Variants in ARFGAP2 observed in about 807,000 individuals in gnomAD.
The protein encoded by ARFGAP2 is ARF GTPase activating protein 2, also known as ADP-ribosylation factor GTPase-activating protein 2.
Under a neutral mutation model 71.9 loss-of-function variants are expected in ARFGAP2, and 45 were observed. That is an observed-to-expected ratio of 0.63 (90% confidence interval 0.49 to 0.80). ARFGAP2 has a LOEUF of 0.80. Among genes scored for constraint, ARFGAP2 ranks in the 30% least tolerant of loss-of-function variants. The pLI is 0.00. For synonymous variants in ARFGAP2, 248 were observed against 249.2 expected (o/e 1.00, Z 0.05); for missense variants, 633 against 673.9 (o/e 0.94, Z 0.67).
In ARFGAP2 at chr11:47,164,779, C is replaced by G. The variant is rs756719574; in HGVS notation, c.*703G>C. Reference sequence around the variant, plus strand: ...GTCCTGCATTCCACAGCAGATGGTACAGAGGGACCCTGAGACACCCTGAAA... The same window carrying G: ...GTCCTGCATTCCACAGCAGATGGTAGAGAGGGACCCTGAGACACCCTGAAA... On this transcript the variant is annotated 3_prime_UTR_variant, in exon 16 of 16. Transcript: ENST00000524782. The G allele has an allele frequency of 1.4e-4, 21 of 153,052 alleles. No homozygotes were observed. The highest frequency in any genetic ancestry group is 2.6e-4 in the Admixed American group (4 of 15,340). The allele number at this position is 153,052 out of a possible 1,614,324, so 9.5% of individuals were successfully genotyped here.
chr11:47,172,080 C>G, intron 8 of ARFGAP2: 1 of 720,898 alleles, frequency 1.4e-6, no homozygotes, highest in Non-Finnish European at 2.4e-6. Flanking sequence ...TGTGCTCCAT[C>G]TCACCGACTC....
Position 47,176,520 on chromosome 11 carries a change from T to C in ARFGAP2, c.187A>G (p.Ile63Val). 2 of 1,613,358 alleles carry C rather than the reference T, an allele frequency of 1.2e-6. No homozygotes were observed. The highest frequency in any genetic ancestry group is 1.3e-5 in the African/African-American group (1 of 75,040). ...HRSLGVHLSF[I>V]RSTELDSNWN... ...GCAACCGCGCGGAGAGCCTACCTGA[T>C]GAAGCTCAGATGGACGCCCAGGGAG... The change falls in exon 2 of 16, where the codon ATC (isoleucine) becomes GTC (valine). Residue 63 changes from isoleucine (I) to valine (V), a missense_variant. Coordinates refer to ENST00000524782, the MANE Select transcript of ARFGAP2 (RefSeq NM_032389.6).
In ARFGAP2 at chr11:47,171,560, TA is replaced by T; in HGVS notation, c.810-4del. ...AGGCCAGACGCATGGAGGCGACCCT[TA>T]GGGGGAACAAAGGTGTCAGTGGCCA... On this transcript the variant is annotated splice_polypyrimidine_tract_variant and splice_region_variant and intron_variant, in intron 9 of 15. Transcript: ENST00000524782. 2.5e-6 allele frequency: 4 copies of T among 1,614,120 alleles called. No individual in the cohort carries two copies. The South Asian group carries it at 4.4e-5, about 18-fold the overall frequency.
intron 12 of ARFGAP2, 114 bp downstream of exon 12, chr11:47,167,795 G>A: frequency 7.6e-7 from 1 of 1,319,168 alleles, no homozygotes; most frequent in Non-Finnish European, 1.0e-6. Context: ...ACAACACAGA[G>A]AACATTCCCA....
chr11:47,175,104 AAGG>A lies in ARFGAP2; in HGVS notation c.397-9_397-7del. ...CTCATGTTGTCTATCCAAAGCTAGA[AAGG>A]AGAAGACACCCCTAAAACACAGGGC... On this transcript the variant is annotated splice_polypyrimidine_tract_variant and splice_region_variant and intron_variant, in intron 4 of 15. Transcript: ENST00000524782. 6.2e-7 allele frequency: 1 copy of A among 1,614,142 alleles called. No individual in the cohort carries two copies. The highest frequency in any genetic ancestry group is 8.5e-7 in the Non-Finnish European group (1 of 1,180,032).
chr11:47,166,332 T>G lies in ARFGAP2; in HGVS notation c.1481A>C (p.Gln494Pro). 6.8e-6 allele frequency: 11 copies of G among 1,614,208 alleles called. No homozygotes were observed. Among genetic ancestry groups the G allele is most frequent in the Non-Finnish European group, 8.5e-6 (10 of 1,180,044 alleles). The change falls in exon 15 of 16, where the codon CAG becomes CCG. Residue 494 changes from glutamine to proline, a missense_variant. Transcript: ENST00000524782. ...TTTCCCAGCCACAGACTTGACACCC[T>G]GCTTAAACTGGGCAATGTCCGCTGT... ...LPTADIAQFK[Q>P]GVKSVAGKMA...
At chr11:47,175,517 G>A (rs944626781) in intron 3 of ARFGAP2, 3 of 779,902 alleles carry the variant, frequency 3.8e-6, no homozygotes, top group African/African-American at 1.7e-5. Context: ...TGATATGACT[G>A]AAGTCCAGGC....
chr11:47,173,690 T>G, intron 6 of ARFGAP2, 69 bp downstream of exon 6: 1 of 1,525,206 alleles, frequency 6.6e-7, no homozygotes, highest in South Asian at 1.2e-5. Flanking sequence ...CATGGCCAGA[T>G]GTCCCCTTCC....
chr11:47,173,686 C>T, intron 6 of ARFGAP2, 73 bp downstream of exon 6: 1 of 1,522,180 alleles, frequency 6.6e-7, no homozygotes, highest in East Asian at 2.5e-5. Flanking sequence ...TTGTCATGGC[C>T]AGATGTCCCC....
chr11:47,169,905 T>C (rs1038859846), intron 10 of ARFGAP2, among the ~76,000 whole-genome samples: 5 of 152,208 alleles, frequency 3.3e-5, no homozygotes, highest in African/African-American at 1.2e-4. Flanking sequence ...CCTTAACCCC[T>C]TGGTCATCCC....
chr11:47,176,169 T>C, intron 2 of ARFGAP2: 1 of 594,142 alleles, frequency 1.7e-6, no homozygotes, highest in Non-Finnish European at 3.0e-6. Context: ...ACGCCTGGAT[T>C]TGGCTTTCCC....
In ARFGAP2 at chr11:47,175,189, C is replaced by T. The variant is rs961158642; in HGVS notation, c.389G>A (p.Gly130Asp). ...CCAAGAACAGGCACTTACATCAGTG[C>T]CATGCCTAGCCAGGGCCGCACTCCC... ...QLGSAALARH[G>D]TDLWIDNMSS... is the part of the protein sequence containing the mutation. Residue 130 changes from glycine to aspartate, a missense_variant, in exon 4 of 16, where the codon GGC (glycine) becomes GAC (aspartate). Coordinates refer to ENST00000524782, the MANE Select transcript of ARFGAP2 (RefSeq NM_032389.6). 1.2e-6 allele frequency: 2 copies of T among 1,614,190 alleles called. No individual in the cohort carries two copies. Among genetic ancestry groups the T allele is most frequent in the African/African-American group, 2.7e-5 (2 of 75,058 alleles).
rs763941570 is a variant in ARFGAP2, at chr11:47,175,064, T to C, written c.431A>G (p.Asn144Ser). 1.4e-5 allele frequency: 22 copies of C among 1,613,982 alleles called. No individual in the cohort carries two copies. Among genetic ancestry groups the C allele is most frequent in the Non-Finnish European group, 1.7e-5 (20 of 1,180,016 alleles). Reference sequence around the variant, plus strand: ...AGAGTCCTTCTTCTCTGGGGAGTGATTAGGAACGGCACTACTCATGTTGTC... The same window carrying C: ...AGAGTCCTTCTTCTCTGGGGAGTGACTAGGAACGGCACTACTCATGTTGTC... Reference protein sequence around the residue: ...WIDNMSSAVPNHSPEKKDSDF... With the variant: ...WIDNMSSAVPSHSPEKKDSDF... Residue 144 changes from asparagine (N) to serine (S), a missense_variant, in exon 5 of 16, where the codon AAT becomes AGT. By Grantham distance (46) the Asn-to-Ser change is conservative (BLOSUM62 1). Transcript: ENST00000524782.
In ARFGAP2 at chr11:47,168,180, G is replaced by C. The variant is rs146816848; in HGVS notation, c.1013C>G (p.Ser338Cys). The C allele has an allele frequency of 6.2e-7, 1 of 1,614,236 alleles. No homozygotes were observed. The highest frequency in any genetic ancestry group is 2.2e-5 in the East Asian group (1 of 44,892). Reference sequence around the variant, plus strand: ...GTCAAACAAGTCCAGCTGCGAGCGAGAGGATTTTGCACTCACTGGGGTTTC... The same window carrying C: ...GTCAAACAAGTCCAGCTGCGAGCGACAGGATTTTGCACTCACTGGGGTTTC... ...EQETPVSAKS[S>C]RSQLDLFDDV... Residue 338 changes from serine (S) to cysteine (C), a missense_variant, in exon 11 of 16, where the codon TCT (serine) becomes TGT (cysteine). Coordinates refer to ENST00000524782, the MANE Select transcript of ARFGAP2 (RefSeq NM_032389.6).
At chr11:47,172,871 G>C in intron 7 of ARFGAP2, 2 of 954,232 alleles carry the variant, frequency 2.1e-6, no homozygotes, top group Middle Eastern at 2.6e-4. Flanking sequence ...GCCTTCTCAT[G>C]GATCAGTCTG....
At position 47,168,137 on chromosome 11, in the gene ARFGAP2, G is replaced by A. The variant is rs1054325726; in HGVS notation, c.1056C>T (p.Ala352=). The A allele has an allele frequency of 5.6e-6, 9 of 1,614,116 alleles. No individual in the cohort carries two copies. Among genetic ancestry groups the A allele is most frequent in the South Asian group, 1.1e-5 (1 of 91,090 alleles). ...LDLFDDVGTF[A]SGPPKYKDNP... ...AACAGCCTTACTTTGGGGGTCCAGA[G>A]GCGAAAGTACCAACATCGTCAAACA... Residue 352 remains alanine, a synonymous_variant, in exon 11 of 16, where the codon GCC becomes GCT. Transcript: ENST00000524782.
intron 12 of ARFGAP2, 148 bp from the exon 13 acceptor site, chr11:47,167,034 C>T (rs945675535): frequency 1.1e-5 from 12 of 1,087,896 alleles, no homozygotes; most frequent in African/African-American, 3.2e-5. Flanking sequence ...GGGCCCCTCT[C>T]CCCTGGTGAG....
chr11:47,173,505 T>TA (rs745567549), intron 6 of ARFGAP2, 23 bp from the exon 7 acceptor site: 33 of 1,545,304 alleles, frequency 2.1e-5, no homozygotes, highest in Middle Eastern at 2.3e-4. Flanking sequence ...TGGTAGGAGT[T>TA]AGAGATGAGC....
At chr11:47,167,662 A>G (rs929903119) in intron 12 of ARFGAP2, among the ~76,000 whole-genome samples, 1 of 152,172 alleles carries the variant, frequency 6.6e-6, no homozygotes, top group African/African-American at 2.4e-5. Flanking sequence ...CTAATGAGGC[A>G]GGCACCAGCC....
Sources: gnomAD v4.1 joint callset for allele counts (sites outside exome capture counted in the v4.1 genomes callset) on GRCh38, gnomAD v4.1.1 for gene constraint, MANE v1.5 for transcripts, NCBI Gene and HGNC (gene_info 2026-07-23, HGNC 2026-07-21) for gene names.